DIS3L2: variants seen among roughly 807,000 people sequenced by gnomAD.
DIS3L2 encodes DIS3-like exonuclease 2.
Under a neutral mutation model 97.5 loss-of-function variants are expected in DIS3L2, and 34 were observed. The observed-to-expected ratio is 0.35, with a 90% confidence interval of 0.27 to 0.46. The LOEUF (loss-of-function observed/expected upper bound fraction) is 0.46. DIS3L2 is among the 20% of genes least tolerant of loss of function. The pLI is 1.00. For missense variants in DIS3L2, 1,038 were observed against 1,146.0 expected, an observed-to-expected ratio of 0.91 and a Z score of 1.36; for synonymous variants, 435 against 445.2, an observed-to-expected ratio of 0.98 and a Z score of 0.29.
chr2:232,110,891 A>T (rs75671146), intron 6 of DIS3L2, among the ~76,000 whole-genome samples: 9 of 144,096 alleles, frequency 6.2e-5, no homozygotes, highest in African/African-American at 2.3e-4. Context: ...GTTGGAAATT[A>T]AAAAAAAAAA....
chr2:232,136,345 G>A (rs1698358026), intron 7 of DIS3L2, 127 bp from the exon 8 acceptor site: 1 of 1,135,734 alleles, frequency 8.8e-7, no homozygotes, highest in Non-Finnish European at 1.3e-6. Flanking sequence ...TCACTGAGAG[G>A]CACTTATTTT....
intron 10 of DIS3L2, among the ~76,000 whole-genome samples, chr2:232,216,499 C>A (rs564862473): frequency 1.3e-5 from 2 of 152,188 alleles, no homozygotes; most frequent in African/African-American, 4.8e-5. Context: ...TGACCTCTCC[C>A]TTTCAGGTTT....
chr2:232,264,014 C>T (rs748509300), intron 13 of DIS3L2, among the ~76,000 whole-genome samples: 10 of 152,212 alleles, frequency 6.6e-5, no homozygotes, highest in Non-Finnish European at 1.3e-4. Flanking sequence ...GGCCCAGTTT[C>T]GTGGAAGACA....
Position 232,268,647 on chromosome 2 carries a change from C to A in DIS3L2, c.1659+5207C>A, listed in dbSNP as rs1693908703. ...CACACATCACAAAATATTGTTCTTCCTTTGATTATTTTTCAGCCATTTAAA... is the reference window on the plus strand; with the variant it reads ...CACACATCACAAAATATTGTTCTTCATTTGATTATTTTTCAGCCATTTAAA... On this transcript the variant is annotated intron_variant, in intron 13 of 20. Transcript: ENST00000325385. The surrounding 1 kb of genome is among the most constrained non-coding windows in gnomAD (Gnocchi z 4.1). Among the ~76,000 whole-genome samples the A allele has an allele frequency of 1.3e-5, 2 of 152,130 alleles. No homozygotes were observed.
intron 7 of DIS3L2, chr2:232,131,884 A>G (rs1341883147): frequency 1.4e-5 from 2 of 145,468 alleles, no homozygotes; most frequent in African/African-American, 5.2e-5. Context: ...GATCTGGCTC[A>G]CAGACCTATT....
At chr2:232,200,256 A>G (rs1691853579) in intron 9 of DIS3L2, among the ~76,000 whole-genome samples, 1 of 152,226 alleles carries the variant, frequency 6.6e-6, no homozygotes, top group Non-Finnish European at 1.5e-5. Flanking sequence ...TGAAATTGCC[A>G]GTTTTTAGGC....
intron 10 of DIS3L2, among the ~76,000 whole-genome samples, chr2:232,220,196 C>T (rs1319095423): frequency 1.3e-5 from 2 of 151,858 alleles, no homozygotes; most frequent in Non-Finnish European, 2.9e-5. Flanking sequence ...GTAGTCCTAG[C>T]CACGTGGGAG....
chr2:231,975,442 C>T (rs1478119219), intron 1 of DIS3L2, among the ~76,000 whole-genome samples: 1 of 151,964 alleles, frequency 6.6e-6, no homozygotes, highest in Non-Finnish European at 1.5e-5. Flanking sequence ...ATGGCTCACG[C>T]CTGTAATCCC....
intron 13 of DIS3L2, among the ~76,000 whole-genome samples, chr2:232,267,131 G>A (rs1693874581): frequency 6.6e-6 from 1 of 152,240 alleles, no homozygotes. Context: ...GTCTGAGTTA[G>A]TGAGCCTCAG....
chr2:231,997,296 CT>C lies in DIS3L2; in HGVS notation c.-93-17538del, dbSNP rs542410585. On this transcript the variant is annotated intron_variant, in intron 1 of 20. Transcript: ENST00000325385. The stretch of plus-strand genomic sequence containing the variant: ...AGCTGTGTTTGCAAAAAGTGCTGGG[CT>C]GTTGTCCCTTTCAGGACATTTAATC... 9.6e-4 allele frequency among the ~76,000 whole-genome samples: 146 copies of C among 152,294 alleles called. 1 individual carries two copies. The highest frequency in any genetic ancestry group is 3.4e-3 in the African/African-American group (140 of 41,568).
rs781761296 is a variant in DIS3L2, at chr2:232,238,595, C to G, written c.1267C>G (p.Leu423Val). ...TTACTTTGTTCCGGAGGGATCTGATCTGGATAAAGTGGCTGCCGAGAGGGC... is the reference window on the plus strand; with the variant it reads ...TTACTTTGTTCCGGAGGGATCTGATGTGGATAAAGTGGCTGCCGAGAGGGC... ...VSYFVPEGSD[L>V]DKVAAERATS... is the part of the protein sequence containing the mutation. Residue 423 changes from leucine to valine, a missense_variant, in exon 11 of 21, where the codon CTG (leucine) becomes GTG (valine). Physicochemically the swap from Leu to Val is conservative, Grantham distance 32. This residue lies in a region of DIS3L2 where 813 missense variants were observed against 880.1 expected (regional missense o/e 0.92). Coordinates refer to ENST00000325385, the MANE Select transcript of DIS3L2 (RefSeq NM_152383.5). 1 of 1,614,220 alleles carries G rather than the reference C, an allele frequency of 6.2e-7. No individual in the cohort carries two copies. Among genetic ancestry groups the G allele is most frequent in the Non-Finnish European group, 8.5e-7 (1 of 1,180,034 alleles).
intron 14 of DIS3L2, among the ~76,000 whole-genome samples, chr2:232,305,956 G>GAA (rs35105470): frequency 1.5e-5 from 2 of 136,700 alleles, no homozygotes; most frequent in Admixed American, 7.4e-5. Flanking sequence ...CCCCATCTCA[G>GAA]AAAAAAAAAA....
At chr2:232,311,131 G>C (rs1695117681) in intron 14 of DIS3L2, among the ~76,000 whole-genome samples, 1 of 152,210 alleles carries the variant, frequency 6.6e-6, no homozygotes, top group African/African-American at 2.4e-5. Flanking sequence ...GGCTTTCTGA[G>C]GCCAGAACTG....
At chr2:232,005,707 A>G (rs955052590) in intron 1 of DIS3L2, among the ~76,000 whole-genome samples, 2 of 152,194 alleles carry the variant, frequency 1.3e-5, no homozygotes, top group African/African-American at 4.8e-5. Context: ...TCCAGGGTTT[A>G]TAATTGTTAA....
At position 232,333,932 on chromosome 2, in the gene DIS3L2, G is replaced by C. The variant is rs766200831; in HGVS notation, c.2103G>C (p.Ser701=). The C allele has an allele frequency of 3.7e-6, 6 of 1,612,790 alleles. No homozygotes were observed. The highest frequency in any genetic ancestry group is 2.2e-5 in the South Asian group (2 of 91,074). ...LNVPLYTHFT[S]PIRRFADVLV... Reference sequence around the variant, plus strand: ...TGCCCCTGTACACACACTTCACCTCGCCCATCCGCCGCTTTGCCGACGTCC... The same window carrying C: ...TGCCCCTGTACACACACTTCACCTCCCCCATCCGCCGCTTTGCCGACGTCC... Residue 701 remains serine, a synonymous_variant, in exon 17 of 21, where the codon TCG becomes TCC. Transcript: ENST00000325385.
At chr2:232,052,153 G>T (rs186233961) in intron 5 of DIS3L2, among the ~76,000 whole-genome samples, 19 of 151,988 alleles carry the variant, frequency 1.3e-4, no homozygotes, top group African/African-American at 4.1e-4. Flanking sequence ...CTCCCAAGTA[G>T]CTGGGATTAC....
chr2:232,121,238 C>T (rs1182117480), intron 6 of DIS3L2, among the ~76,000 whole-genome samples: 1 of 152,210 alleles, frequency 6.6e-6, no homozygotes, highest in Admixed American at 6.5e-5. Context: ...CTGCTGACTA[C>T]ACTTTCCCTA....
intron 8 of DIS3L2, among the ~76,000 whole-genome samples, chr2:232,146,372 A>G (rs186510275): frequency 8.5e-4 from 129 of 152,326 alleles, no homozygotes; most frequent in Admixed American, 1.7e-3. Flanking sequence ...TTGTAGTAGG[A>G]TGCTTTTAGC....
chr2:232,184,002 G>C (rs915349100), intron 9 of DIS3L2, among the ~76,000 whole-genome samples: 1 of 152,154 alleles, frequency 6.6e-6, no homozygotes, highest in African/African-American at 2.4e-5. Context: ...AGCTGGAAAG[G>C]GGGATGTGGG....
Sources: allele counts gnomAD v4.1 joint callset (sites outside exome capture counted in the v4.1 genomes callset), GRCh38; gene constraint gnomAD v4.1.1; regional missense constraint gnomAD v4.1.1; non-coding constraint Gnocchi (gnomAD v3.1); transcripts MANE v1.5; gene names NCBI Gene and HGNC (gene_info 2026-07-23, HGNC 2026-07-21).